Variants in CACNB4 observed in about 807,000 individuals in gnomAD.
The protein encoded by CACNB4 is voltage-dependent L-type calcium channel subunit beta-4.
In CACNB4, 32 loss-of-function variants were observed where a neutral mutation model predicts 71.2. The ratio of observed to expected loss-of-function variants is 0.45; its 90% confidence interval spans 0.34 to 0.60. CACNB4 has a LOEUF of 0.60. Among genes scored for constraint, CACNB4 ranks in the 20% least tolerant of loss-of-function variants. The pLI is 0.01. For missense variants in CACNB4, 464 were observed against 647.9 expected (o/e 0.72, Z 3.08); for synonymous variants, 231 against 236.9 (o/e 0.97, Z 0.23).
At chr2:152,096,361 G>A (rs1688268315) in intron 2 of CACNB4, among the ~76,000 whole-genome samples, 2 of 152,102 alleles carry the variant, frequency 1.3e-5, no homozygotes, top group African/African-American at 4.8e-5. Context: ...GCGGGTGCCT[G>A]TAGTCTCAGC....
At chr2:151,926,035 G>T (rs888747535) in intron 2 of CACNB4, among the ~76,000 whole-genome samples, 28 of 152,178 alleles carry the variant, frequency 1.8e-4, no homozygotes, top group African/African-American at 6.5e-4. Flanking sequence ...TGGAATTCAG[G>T]AGATAGGTTA....
chr2:151,938,303 TG>T (rs1457521925), intron 2 of CACNB4, among the ~76,000 whole-genome samples: 2 of 152,212 alleles, frequency 1.3e-5, no homozygotes, highest in Non-Finnish European at 2.9e-5. Flanking sequence ...CCAGCAGACA[TG>T]GGAATATAGC....
intron 2 of CACNB4, among the ~76,000 whole-genome samples, chr2:151,978,238 T>A (rs747061999): frequency 2.5e-4 from 38 of 152,196 alleles, no homozygotes; most frequent in South Asian, 1.7e-3. Flanking sequence ...CCAGGCCCCA[T>A]GAAGACCATG....
chr2:151,911,429 G>C (rs1203248095), intron 2 of CACNB4, among the ~76,000 whole-genome samples: 1 of 152,110 alleles, frequency 6.6e-6, no homozygotes, highest in Admixed American at 6.5e-5. Context: ...TGTGATATTG[G>C]CTGCGGGTTT....
At chr2:151,879,438 C>T (rs1232533581) in intron 4 of CACNB4, 1 of 138,440 alleles carries the variant, frequency 7.2e-6, no homozygotes, top group East Asian at 2.6e-4. Flanking sequence ...CTTTTCTCTG[C>T]ATTTAAGCTT....
intron 2 of CACNB4, among the ~76,000 whole-genome samples, chr2:151,952,102 A>G (rs946547395): frequency 3.3e-5 from 5 of 152,184 alleles, no homozygotes; most frequent in Non-Finnish European, 7.4e-5. Flanking sequence ...TACACCATCT[A>G]GGGTATTCAG....
rs573271875 is a variant in CACNB4, at chr2:151,977,139, T to G, written c.148-93769A>C. Among the ~76,000 whole-genome samples, 5 of 152,350 alleles carry G rather than the reference T, an allele frequency of 3.3e-5. No homozygotes were observed. The East Asian group carries it at 9.6e-4, about 29-fold the overall frequency. On this transcript the variant is annotated intron_variant, in intron 2 of 13. Transcript: ENST00000539935. The stretch of plus-strand genomic sequence containing the variant: ...CAGGAACCCACCTACCTCTCATTAC[T>G]GAGTAGCCTCCAAAACTGCATAGCC...
chr2:151,928,090 T>C (rs2099860698), intron 2 of CACNB4, among the ~76,000 whole-genome samples: 1 of 152,166 alleles, frequency 6.6e-6, no homozygotes, highest in South Asian at 2.1e-4. Flanking sequence ...AGAAACTCCA[T>C]CAGCTCCGGC....
At chr2:151,870,889 A>T in intron 6 of CACNB4, 28 bp from the exon 7 acceptor site, 1 of 1,557,908 alleles carries the variant, frequency 6.4e-7, no homozygotes, top group Non-Finnish European at 8.8e-7. Flanking sequence ...GAGCCATATC[A>T]AAATATGTAA....
At chr2:152,038,628 T>C (rs540885059) in intron 2 of CACNB4, among the ~76,000 whole-genome samples, 45 of 152,312 alleles carry the variant, frequency 3.0e-4, no homozygotes, top group African/African-American at 9.9e-4. Context: ...CAGCAGAGGC[T>C]GAGACTTCCT....
chr2:151,869,546 T>G (rs1021802843), intron 8 of CACNB4: 10 of 240,436 alleles, frequency 4.2e-5, no homozygotes, highest in Non-Finnish European at 7.2e-5. Flanking sequence ...AGGCTGGCTT[T>G]GTACACAGGT....
chr2:151,928,286 G>C (rs979807729), intron 2 of CACNB4, among the ~76,000 whole-genome samples: 38 of 152,296 alleles, frequency 2.5e-4, no homozygotes, highest in African/African-American at 7.9e-4. Context: ...CCAGTTTGAT[G>C]CTCCCTTTTA....
At chr2:151,924,142 A>G (rs1046609022) in intron 2 of CACNB4, among the ~76,000 whole-genome samples, 9 of 131,430 alleles carry the variant, frequency 6.8e-5, no homozygotes, top group Admixed American at 2.8e-4. Context: ...GCAGTGGCGC[A>G]ATCTCGGCTC....
At chr2:151,840,960 C>G (rs1254688007) in intron 13 of CACNB4, among the ~76,000 whole-genome samples, 1 of 152,138 alleles carries the variant, frequency 6.6e-6, no homozygotes. Context: ...TCTCTGGTTC[C>G]CTATCTCTAC....
At chr2:151,965,985 C>T (rs2099870992) in intron 2 of CACNB4, among the ~76,000 whole-genome samples, 1 of 152,210 alleles carries the variant, frequency 6.6e-6, no homozygotes, top group South Asian at 2.1e-4. Context: ...GGTCCGAACA[C>T]TGATACCTTA....
intron 2 of CACNB4, among the ~76,000 whole-genome samples, chr2:151,957,649 G>A (rs1479064255): frequency 6.6e-6 from 1 of 152,188 alleles, no homozygotes; most frequent in African/African-American, 2.4e-5. Flanking sequence ...GAATTTACAT[G>A]AAAGTGATTT....
intron 2 of CACNB4, among the ~76,000 whole-genome samples, chr2:151,949,217 A>T (rs1031351340): frequency 6.6e-6 from 1 of 151,460 alleles, no homozygotes; most frequent in Non-Finnish European, 1.5e-5. Flanking sequence ...AAAAAGTGCC[A>T]TCCTGACCTA....
intron 12 of CACNB4, among the ~76,000 whole-genome samples, chr2:151,843,706 G>T (rs922967061): frequency 6.6e-6 from 1 of 152,100 alleles, no homozygotes; most frequent in Non-Finnish European, 1.5e-5. Flanking sequence ...AACCTCCCAG[G>T]AATGAATCAA....
chr2:151,839,196 A>T lies in CACNB4; in HGVS notation c.1486T>A (p.Tyr496Asn). Residue 496 changes from tyrosine (Y) to asparagine (N), a missense_variant, in exon 14 of 14, where the codon TAC becomes AAC. Around this residue, in one of 3 missense-constraint regions of CACNB4, gnomAD observed 115 missense variants for 128.8 expected, o/e 0.89. Coordinates refer to ENST00000539935, the MANE Select transcript of CACNB4 (RefSeq NM_000726.5). ...CTATGGGGTTTGTAAGTGTCCTGGTATGAGTCAGGGTAATCTTCTTCCACA... is the reference window on the plus strand; with the variant it reads ...CTATGGGGTTTGTAAGTGTCCTGGTTTGAGTCAGGGTAATCTTCTTCCACA... ...PLVEEDYPDS[Y>N]QDTYKPHRNR... 1 of 1,613,510 alleles carries T rather than the reference A, an allele frequency of 6.2e-7. No individual in the cohort carries two copies. Among genetic ancestry groups the T allele is most frequent in the Non-Finnish European group, 8.5e-7 (1 of 1,179,508 alleles).
Sources: allele counts gnomAD v4.1 joint callset (sites outside exome capture counted in the v4.1 genomes callset), GRCh38; gene constraint gnomAD v4.1.1; regional missense constraint gnomAD v4.1.1; transcripts MANE v1.5; gene names NCBI Gene and HGNC (gene_info 2026-07-23, HGNC 2026-07-21).